Variants in EHD4 observed in about 807,000 individuals in gnomAD.
EHD4 encodes EH domain containing 4, also known as EH domain-containing protein 4.
EHD4 carries 37 observed loss-of-function variants against 51.0 expected under a neutral mutation model. The observed-to-expected ratio is 0.73, with a 90% CI of 0.56 to 0.95. EHD4 has a LOEUF of 0.95. Ranked by LOEUF, EHD4 falls within the 40% of genes least tolerant of loss-of-function variation. The pLI is 0.00. For synonymous variants in EHD4, 297 were observed against 317.3 expected (o/e 0.94, Z 0.68); for missense variants, 632 against 733.1 (o/e 0.86, Z 1.59).
chr15:41,965,360 G>C (rs1953132202), intron 1 of EHD4, among the ~76,000 whole-genome samples: 1 of 152,196 alleles, frequency 6.6e-6, no homozygotes, highest in African/African-American at 2.4e-5. Flanking sequence ...AGTTTTGTAA[G>C]CATGAATTCT....
intron 1 of EHD4, among the ~76,000 whole-genome samples, chr15:41,959,486 T>C (rs978521850): frequency 3.3e-5 from 5 of 151,708 alleles, no homozygotes; most frequent in Non-Finnish European, 7.4e-5. Context: ...TTGGCATCTG[T>C]GCATGGAGTT....
At chr15:41,957,764 A>G (rs1161630905) in intron 1 of EHD4, among the ~76,000 whole-genome samples, 1 of 152,202 alleles carries the variant, frequency 6.6e-6, no homozygotes, top group East Asian at 1.9e-4. Flanking sequence ...GATTGCCCTG[A>G]AGAAGATTTT....
chr15:41,928,932 A>G (rs944032985), intron 3 of EHD4: 11 of 152,254 alleles, frequency 7.2e-5, no homozygotes, highest in African/African-American at 2.7e-4. Context: ...GGCTGATACC[A>G]AACCCGGTCT....
At chr15:41,965,022 T>G (rs1175235052) in intron 1 of EHD4, among the ~76,000 whole-genome samples, 2 of 152,266 alleles carry the variant, frequency 1.3e-5, no homozygotes, top group Non-Finnish European at 2.9e-5. Context: ...TTTGTCCACC[T>G]TGGCCTCCCA....
At chr15:41,914,913 G>A (rs2067573696) in intron 4 of EHD4, among the ~76,000 whole-genome samples, 1 of 151,898 alleles carries the variant, frequency 6.6e-6, no homozygotes, top group Non-Finnish European at 1.5e-5. Context: ...AGCCTCCTGA[G>A]TAGCCAGGAT....
intron 1 of EHD4, among the ~76,000 whole-genome samples, chr15:41,963,110 T>A (rs1252881998): frequency 6.6e-6 from 1 of 151,618 alleles, no homozygotes; most frequent in Non-Finnish European, 1.5e-5. Flanking sequence ...TCCTTAAGAG[T>A]CATCACCACT....
intron 3 of EHD4, among the ~76,000 whole-genome samples, chr15:41,929,182 C>T (rs573470606): frequency 9.2e-5 from 14 of 152,322 alleles, no homozygotes; most frequent in South Asian, 2.1e-4. Context: ...GCTGTTTATC[C>T]GCTCTCTGCT....
At chr15:41,969,719 G>A (rs1396569499) in intron 1 of EHD4, among the ~76,000 whole-genome samples, 1 of 152,062 alleles carries the variant, frequency 6.6e-6, no homozygotes, top group African/African-American at 2.4e-5. Flanking sequence ...ATCCTTCCTC[G>A]GCTAGTACAG....
chr15:41,907,870 GTATATATT>G (rs1409323987), intron 5 of EHD4, among the ~76,000 whole-genome samples: 3 of 107,694 alleles, frequency 2.8e-5, no homozygotes, highest in Admixed American at 8.6e-5. Flanking sequence ...GTGTGTGTGT[GTATATATT>G]TATTTATTTT....
intron 3 of EHD4, among the ~76,000 whole-genome samples, chr15:41,940,280 T>TG (rs1390953105): frequency 2.0e-5 from 3 of 152,230 alleles, no homozygotes; most frequent in African/African-American, 7.2e-5. Flanking sequence ...AAACATCTTG[T>TG]GGGGTCACAG....
At chr15:41,957,670 C>T (rs964195824) in intron 1 of EHD4, among the ~76,000 whole-genome samples, 1 of 152,218 alleles carries the variant, frequency 6.6e-6, no homozygotes, top group African/African-American at 2.4e-5. Context: ...CACCATCACC[C>T]TGGGGTCCTA....
chr15:41,969,583 G>A (rs1002774), intron 1 of EHD4, among the ~76,000 whole-genome samples: 17,311 of 152,110 alleles, frequency 0.11, 1,075 homozygotes, highest in South Asian at 0.26. Flanking sequence ...CATTTCAAAT[G>A]GACTTCATAC....
rs2067438108 is a variant in EHD4 at position 41,896,294 on chromosome 15, C to G, written c.*4351G>C. 1 of 152,316 alleles carries G rather than the reference C, an allele frequency of 6.6e-6. No individual in the cohort carries two copies. Among genetic ancestry groups the G allele is most frequent in the Non-Finnish European group, 1.5e-5 (1 of 68,114 alleles). The allele number at this position is 152,316 out of a possible 1,614,324, so 9.4% of individuals were successfully genotyped here. ...TGGCTTCTGCCAGGCTGACCTCCCT[C>G]CCCTGACCCCAGCAGCTCTGGACAC... On this transcript the variant is annotated 3_prime_UTR_variant, in exon 6 of 6. Transcript: ENST00000220325.
At chr15:41,952,528 G>A (rs1256932032) in intron 2 of EHD4, among the ~76,000 whole-genome samples, 2 of 152,152 alleles carry the variant, frequency 1.3e-5, no homozygotes, top group Non-Finnish European at 2.9e-5. Context: ...GATCCAGTGG[G>A]AAAGGGCAGA....
chr15:41,929,423 G>A (rs1410325385), intron 3 of EHD4, among the ~76,000 whole-genome samples: 1 of 152,266 alleles, frequency 6.6e-6, no homozygotes, highest in Non-Finnish European at 1.5e-5. Context: ...CATGGGAACA[G>A]AGGAAGGTTC....
intron 3 of EHD4, among the ~76,000 whole-genome samples, chr15:41,932,798 C>T (rs2067707397): frequency 6.6e-6 from 1 of 152,146 alleles, no homozygotes; most frequent in South Asian, 2.1e-4. Context: ...CCTCACCGCC[C>T]CTGCTTTGGA....
intron 1 of EHD4, among the ~76,000 whole-genome samples, chr15:41,958,034 A>G (rs1490180729): frequency 2.6e-5 from 4 of 152,008 alleles, no homozygotes; most frequent in African/African-American, 9.7e-5. Flanking sequence ...GACATTTCTC[A>G]CGGTGGGAGT....
At chr15:41,909,140 C>A (rs888104868) in intron 5 of EHD4, among the ~76,000 whole-genome samples, 1 of 152,206 alleles carries the variant, frequency 6.6e-6, no homozygotes, top group Non-Finnish European at 1.5e-5. Context: ...TGGAGCTGCC[C>A]AGCCACAACT....
At chr15:41,953,395 T>TA (rs2067865844) in intron 2 of EHD4, among the ~76,000 whole-genome samples, 3 of 152,152 alleles carry the variant, frequency 2.0e-5, no homozygotes, top group Non-Finnish European at 4.4e-5. Context: ...ACTTTTAAAA[T>TA]TTTTTGCAGA....
Sources: gnomAD v4.1 joint callset for allele counts (sites outside exome capture counted in the v4.1 genomes callset) on GRCh38, gnomAD v4.1.1 for gene constraint, MANE v1.5 for transcripts, NCBI Gene and HGNC (gene_info 2026-07-23, HGNC 2026-07-21) for gene names.